SPRED3: variants seen among roughly 807,000 people sequenced by gnomAD.
SPRED3 encodes the protein sprouty related EVH1 domain containing 3.
A neutral mutation model predicts 37.6 loss-of-function variants in SPRED3; 23 were observed. The ratio of observed to expected loss-of-function variants is 0.61; its 90% CI spans 0.44 to 0.87. The LOEUF (loss-of-function observed/expected upper bound fraction) is 0.87, where lower values mean the gene tolerates loss of function less well. Ranked by LOEUF, SPRED3 falls within the 40% of genes least tolerant of loss-of-function variation. The pLI, the probability that SPRED3 is intolerant of heterozygous loss-of-function variation, is 0.00. For synonymous variants in SPRED3, 302 were observed against 279.6 expected (o/e 1.08, Z -0.80); for missense variants, 584 against 618.6 (o/e 0.94, Z 0.59).
At chr19:38,392,863 A>G (rs1266699727) in intron 4 of SPRED3, among the ~76,000 whole-genome samples, 13 of 151,534 alleles carry the variant, frequency 8.6e-5, no homozygotes, top group Admixed American at 8.5e-4. Context: ...CTCACTGTCA[A>G]CTCCTTCCCT....
rs375845556 is a variant in SPRED3 at position 38,395,506 on chromosome 19, G to A, written c.594G>A (p.Thr198=). 13 of 1,519,292 alleles carry A rather than the reference G, an allele frequency of 8.6e-6. No individual in the cohort carries two copies. Among genetic ancestry groups the A allele is most frequent in the African/African-American group, 5.8e-5 (4 of 69,196 alleles). The allele number at this position is 1,519,292 out of a possible 1,614,324, so 94.1% of individuals were successfully genotyped here. A position where few individuals can be genotyped will look rare whatever the true frequency, so the allele number is the denominator to read the frequency against. The change falls in exon 6 of 6, where the codon ACG becomes ACA. Residue 198 remains threonine, a synonymous_variant. Transcript: ENST00000691638. The surrounding 1 kb of genome is among the most constrained non-coding windows in gnomAD (Gnocchi z 5.2). ...GCTACCCTCCGCTTCTACCGTTCAC[G>A]GGGATTCCGGAACCCTCAGAGCCCC... ...AQSYPPLLPF[T]GIPEPSEPLA... is the part of the protein sequence containing the mutation.
chr19:38,392,369 T>A, intron 4 of SPRED3, 81 bp downstream of exon 4: 1 of 1,404,874 alleles, frequency 7.1e-7, no homozygotes, highest in Non-Finnish European at 9.4e-7. Flanking sequence ...GCACCTACTG[T>A]GTAGCAGGCA....
At chr19:38,390,702 G>T (rs937456953) in intron 2 of SPRED3, among the ~76,000 whole-genome samples, 1 of 150,494 alleles carries the variant, frequency 6.6e-6, no homozygotes, top group African/African-American at 2.5e-5. Flanking sequence ...GACTATCCTC[G>T]CTGTCTCCCT....
At position 38,396,549 on chromosome 19, in the gene SPRED3, TAGTC is replaced by T. The variant is rs1452205030; in HGVS notation, c.*407_*410del. ...GTCCCTCAGATTACAGCCCCACAAT[TAGTC>T]AGGACTTGCCCATAACTGGCTCTGC... On this transcript the variant is annotated 3_prime_UTR_variant, in exon 6 of 6. Transcript: ENST00000691638. The T allele has an allele frequency of 1.3e-5, 2 of 157,448 alleles. No individual in the cohort carries two copies. The highest frequency in any genetic ancestry group is 2.8e-5 in the Non-Finnish European group (2 of 71,816). The allele number at this position is 157,448 out of a possible 1,614,324, so 9.8% of individuals were successfully genotyped here. A position where few individuals can be genotyped will look rare whatever the true frequency, so the allele number is the denominator to read the frequency against.
In SPRED3 at chr19:38,388,793, G is replaced by C. The variant is rs1970782043; in HGVS notation, c.-19G>C. 2.5e-6 allele frequency: 1 copy of C among 398,104 alleles called. No individual in the cohort carries two copies. The highest frequency in any genetic ancestry group is 1.3e-4 in the South Asian group (1 of 7,858). 24.7% of individuals were successfully genotyped at this position (398,104 alleles called of 1,614,324 possible). ...CCGCGTCGCCGCCGCTCGGAGCCCG[G>C]CCGGAGCCTCGCAGGCAGGTGCCGA... On this transcript the variant is annotated 5_prime_UTR_variant, in exon 1 of 6. Coordinates refer to ENST00000691638, the MANE Select transcript of SPRED3 (RefSeq NM_001394336.1).
chr19:38,392,300 G>T lies in SPRED3; in HGVS notation c.423+12G>T. 1 of 1,526,238 alleles carries T rather than the reference G, an allele frequency of 6.6e-7. No homozygotes were observed. Among genetic ancestry groups the T allele is most frequent in the South Asian group, 1.3e-5 (1 of 79,880 alleles). 94.5% of individuals were successfully genotyped at this position (1,526,238 alleles called of 1,614,324 possible). A position where few individuals can be genotyped will look rare whatever the true frequency, so the allele number is the denominator to read the frequency against. ...CCTGCCCTCTGACGGTGAGTGTCCA[G>T]GATGCCTCTCTGCTGGGGGAGGGTA... is the stretch of plus-strand genomic sequence containing the variant. On this transcript the variant is annotated intron_variant, in intron 4 of 5. Coordinates refer to ENST00000691638, the MANE Select transcript of SPRED3 (RefSeq NM_001394336.1).
At chr19:38,389,331 G>C (rs1329273397) in intron 1 of SPRED3, among the ~76,000 whole-genome samples, 1 of 152,190 alleles carries the variant, frequency 6.6e-6, no homozygotes, top group Non-Finnish European at 1.5e-5. Context: ...CCTGCAGGTG[G>C]GGGAGGGGGC....
In SPRED3 at chr19:38,395,459, GT is replaced by G; in HGVS notation, c.568-18del. The G allele has an allele frequency of 7.0e-7, 1 of 1,430,108 alleles. No individual in the cohort carries two copies. The allele number at this position is 1,430,108 out of a possible 1,614,324, so 88.6% of individuals were successfully genotyped here. A position where few individuals can be genotyped will look rare whatever the true frequency, so the allele number is the denominator to read the frequency against. On this transcript the variant is annotated intron_variant, in intron 5 of 5. Transcript: ENST00000691638. This position sits in a 1 kb window ranked among gnomAD's most constrained non-coding sequence, Gnocchi z 5.2. ...CTAAGACTGGGATGGATTCTGATCTGTTTGTCCCTTCGTTCCGCAGAGCTAC... is the reference window on the plus strand; with the variant it reads ...CTAAGACTGGGATGGATTCTGATCTGTTGTCCCTTCGTTCCGCAGAGCTAC...
In SPRED3 at chr19:38,390,405, C is replaced by T. The variant is rs765869329; in HGVS notation, c.103C>T (p.Arg35Ter). 9 of 1,383,578 alleles carry T rather than the reference C, an allele frequency of 6.5e-6. No individual in the cohort carries two copies. The highest frequency in any genetic ancestry group is 2.0e-5 in the South Asian group (1 of 50,302). The allele number at this position is 1,383,578 out of a possible 1,614,324, so 85.7% of individuals were successfully genotyped here. A position where few individuals can be genotyped will look rare whatever the true frequency, so the allele number is the denominator to read the frequency against. ...GLSQVSVCRVRGARPEGGARQ... is the reference protein window; with the variant it reads ...GLSQVSVCRV ...CAGCCAGGTGAGCGTGTGTCGGGTC[C>T]GAGGGGCCAGGCCCGAGGGGGGGGC... Residue 35 changes from arginine (R) to a stop codon, truncating the protein, a stop_gained, in exon 2 of 6, where the codon CGA becomes TGA. Transcript: ENST00000691638. LOFTEE classifies it high-confidence loss of function.
At position 38,396,038 on chromosome 19, in the gene SPRED3, G is replaced by A; in HGVS notation, c.1126G>A (p.Ala376Thr). ...RWAALAALSLAVPCLCCYAPL... is the reference protein window; with the variant it reads ...RWAALAALSLTVPCLCCYAPL... ...GGCCGCGCTGGCCGCGCTCTCCCTG[G>A]CAGTGCCCTGCCTCTGCTGCTACGC... The change falls in exon 6 of 6, where the codon GCA becomes ACA. Residue 376 changes from alanine (A) to threonine (T), a missense_variant. Physicochemically the swap from Ala to Thr is moderately conservative, Grantham distance 58. Coordinates refer to ENST00000691638, the MANE Select transcript of SPRED3 (RefSeq NM_001394336.1). 7.3e-7 allele frequency: 1 copy of A among 1,368,464 alleles called. No individual in the cohort carries two copies. The highest frequency in any genetic ancestry group is 9.4e-7 in the Non-Finnish European group (1 of 1,069,516). 84.8% of individuals were successfully genotyped at this position (1,368,464 alleles called of 1,614,324 possible).
intron 1 of SPRED3, among the ~76,000 whole-genome samples, 191 bp downstream of exon 1, chr19:38,388,998 G>T (rs1600510865): frequency 6.6e-6 from 1 of 152,214 alleles, no homozygotes; most frequent in Non-Finnish European, 1.5e-5. Context: ...TGTGGGGTCT[G>T]GACTTTCTCC....
Position 38,395,470 on chromosome 19 carries a change from C to A in SPRED3, c.568-10C>A. The A allele has an allele frequency of 2.1e-6, 3 of 1,448,064 alleles. No individual in the cohort carries two copies. The highest frequency in any genetic ancestry group is 2.7e-6 in the Non-Finnish European group (3 of 1,100,810). The allele number at this position is 1,448,064 out of a possible 1,614,324, so 89.7% of individuals were successfully genotyped here. ...ATGGATTCTGATCTGTTTGTCCCTT[C>A]GTTCCGCAGAGCTACCCTCCGCTTC... On this transcript the variant is annotated splice_polypyrimidine_tract_variant and intron_variant, in intron 5 of 5. Transcript: ENST00000691638. The surrounding 1 kb of genome is among the most constrained non-coding windows in gnomAD (Gnocchi z 5.2).
rs1175796398 is a variant in SPRED3, at chr19:38,395,986, G to A, written c.1074G>A (p.Pro358=). Residue 358 remains proline (P), a synonymous_variant, in exon 6 of 6, where the codon CCG becomes CCA. Coordinates refer to ENST00000691638, the MANE Select transcript of SPRED3 (RefSeq NM_001394336.1). This position sits in a 1 kb window ranked among gnomAD's most constrained non-coding sequence, Gnocchi z 5.2. ...GDFSDPCACE[P]GHPRPAARWA... is the part of the protein sequence containing the mutation. ...TCTCGGACCCGTGCGCCTGCGAGCCGGGCCACCCGCGCCCCGCCGCGCGCT... is the reference window on the plus strand; with the variant it reads ...TCTCGGACCCGTGCGCCTGCGAGCCAGGCCACCCGCGCCCCGCCGCGCGCT... 10 of 1,442,690 alleles carry A rather than the reference G, an allele frequency of 6.9e-6. 1 individual carries two copies. In the Admixed American group the frequency reaches 1.6e-4, roughly 23 times the overall value. 89.4% of individuals were successfully genotyped at this position (1,442,690 alleles called of 1,614,324 possible).
intron 1 of SPRED3, among the ~76,000 whole-genome samples, chr19:38,389,187 CG>C (rs1970790221): frequency 6.6e-6 from 1 of 152,208 alleles, no homozygotes; most frequent in Non-Finnish European, 1.5e-5. Context: ...CACCTGTTGT[CG>C]GGGGAGGCGG....
intron 4 of SPRED3, among the ~76,000 whole-genome samples, chr19:38,393,276 T>C (rs530525429): frequency 6.6e-6 from 1 of 152,090 alleles, no homozygotes; most frequent in African/African-American, 2.4e-5. Flanking sequence ...CAATGCCCCT[T>C]GTCTAGTGCT....
chr19:38,390,782 C>G (rs981548813), intron 2 of SPRED3, among the ~76,000 whole-genome samples: 1 of 138,434 alleles, frequency 7.2e-6, no homozygotes, highest in African/African-American at 2.6e-5. Context: ...CCCCCCGCCC[C>G]GACTCACACC....
At chr19:38,392,802 C>T (rs1035538410) in intron 4 of SPRED3, among the ~76,000 whole-genome samples, 2 of 152,068 alleles carry the variant, frequency 1.3e-5, no homozygotes, top group African/African-American at 4.8e-5. Flanking sequence ...AATCTGCCTC[C>T]AACCTGGTAC....
intron 4 of SPRED3, chr19:38,392,602 A>G (rs1299361756): frequency 4.0e-6 from 1 of 249,580 alleles, no homozygotes; most frequent in Non-Finnish European, 7.5e-6. Flanking sequence ...AAGGCAGAAA[A>G]TTAAAAAAAA....
rs371808844 is a variant in SPRED3, at chr19:38,388,939, G to A, written c.-5+132G>A. On this transcript the variant is annotated intron_variant, in intron 1 of 5. Coordinates refer to ENST00000691638, the MANE Select transcript of SPRED3 (RefSeq NM_001394336.1). ...GCCCCGGCTAGGAGGACTAGAGAGT[G>A]GGGACCCCCCAAACTGCGCGGCAGC... 1.3e-5 allele frequency: 5 copies of A among 393,770 alleles called. No individual in the cohort carries two copies. The East Asian group carries it at 1.8e-4, about 14-fold the overall frequency. 24.4% of individuals were successfully genotyped at this position (393,770 alleles called of 1,614,324 possible). A position where few individuals can be genotyped will look rare whatever the true frequency, so the allele number is the denominator to read the frequency against.
Sources: allele counts gnomAD v4.1 joint callset (sites outside exome capture counted in the v4.1 genomes callset), GRCh38; gene constraint gnomAD v4.1.1; non-coding constraint Gnocchi (gnomAD v3.1); transcripts MANE v1.5; gene names NCBI Gene and HGNC (gene_info 2026-07-23, HGNC 2026-07-21).